USP12: variants seen among roughly 807,000 people sequenced by gnomAD.
The protein encoded by USP12 is ubiquitin carboxyl-terminal hydrolase 12.
A neutral mutation model predicts 45.5 loss-of-function variants in USP12; 19 were observed. That is an observed-to-expected ratio of 0.42 (90% CI 0.29 to 0.61). USP12 has a LOEUF of 0.61. Among genes scored for constraint, USP12 ranks in the 20% least tolerant of loss-of-function variants. The probability of loss-of-function intolerance (pLI) is 0.22; values close to 1 mark genes in which losing one functional copy is unlikely to be tolerated. For missense variants in USP12, 242 were observed against 447.7 expected (o/e 0.54, Z 4.15); for synonymous variants, 149 against 148.8 (o/e 1.00, Z -0.01).
chr13:27,167,611 T>C (rs907449468), intron 1 of USP12, among the ~76,000 whole-genome samples: 2 of 151,968 alleles, frequency 1.3e-5, no homozygotes, highest in African/African-American at 4.8e-5. Context: ...ATTAGATAAG[T>C]AAAACAATGG....
At chr13:27,091,720 C>T (rs1874324156) in intron 4 of USP12, among the ~76,000 whole-genome samples, 1 of 152,074 alleles carries the variant, frequency 6.6e-6, no homozygotes, top group South Asian at 2.1e-4. Context: ...AAGCAACCGA[C>T]AATGAAACCC....
At chr13:27,097,774 C>T (rs1397543079) in intron 3 of USP12, among the ~76,000 whole-genome samples, 1 of 152,110 alleles carries the variant, frequency 6.6e-6, no homozygotes, top group African/African-American at 2.4e-5. Context: ...CAACAACAAC[C>T]ACAGTAACAA....
chr13:27,137,187 A>G (rs1159471290), intron 1 of USP12, among the ~76,000 whole-genome samples: 2 of 152,206 alleles, frequency 1.3e-5, no homozygotes, highest in Non-Finnish European at 2.9e-5. Context: ...TTCATTTTGA[A>G]CAAAGGGTTG....
At chr13:27,168,453 A>G (rs779614215) in intron 1 of USP12, among the ~76,000 whole-genome samples, 7 of 152,216 alleles carry the variant, frequency 4.6e-5, no homozygotes, top group Admixed American at 1.3e-4. Flanking sequence ...AGCCACCTCA[A>G]CTGCAAAACA....
chr13:27,153,244 T>C (rs1303741159), intron 1 of USP12, among the ~76,000 whole-genome samples: 1 of 151,894 alleles, frequency 6.6e-6, no homozygotes. Flanking sequence ...GAGGCAGAGG[T>C]TGCAGTGAGC....
intron 6 of USP12, among the ~76,000 whole-genome samples, chr13:27,083,389 G>T (rs1300112239): frequency 2.0e-5 from 3 of 152,152 alleles, no homozygotes; most frequent in African/African-American, 7.2e-5. Flanking sequence ...TCTGCAAGGT[G>T]CTGTGAAGTG....
chr13:27,111,750 T>C (rs1472464692), intron 2 of USP12, among the ~76,000 whole-genome samples: 2 of 152,176 alleles, frequency 1.3e-5, no homozygotes, highest in Admixed American at 6.5e-5. Flanking sequence ...TTTTAGATGT[T>C]TGTCTTATTT....
intron 6 of USP12, among the ~76,000 whole-genome samples, chr13:27,085,582 G>C (rs1873974765): frequency 6.6e-6 from 1 of 151,926 alleles, no homozygotes; most frequent in South Asian, 2.1e-4. Context: ...TTTCAGAAGT[G>C]AATTCATCCA....
At chr13:27,122,065 C>T (rs1292270662) in intron 1 of USP12, among the ~76,000 whole-genome samples, 2 of 147,354 alleles carry the variant, frequency 1.4e-5, no homozygotes, top group Admixed American at 1.3e-4. Flanking sequence ...CATGGTGGCT[C>T]GTGCCTGTAA....
At chr13:27,115,327 A>G (rs1446167238) in intron 2 of USP12, among the ~76,000 whole-genome samples, 1 of 152,174 alleles carries the variant, frequency 6.6e-6, no homozygotes, top group Non-Finnish European at 1.5e-5. Flanking sequence ...TTCTGGAGAG[A>G]GAGAAAGGTA....
intron 4 of USP12, among the ~76,000 whole-genome samples, chr13:27,091,584 C>T (rs139738908): frequency 6.6e-4 from 101 of 152,228 alleles, no homozygotes; most frequent in African/African-American, 2.4e-3. Flanking sequence ...ATGTCATGCA[C>T]AATATGGGGA....
At chr13:27,163,168 T>C (rs1878191523) in intron 1 of USP12, among the ~76,000 whole-genome samples, 1 of 152,226 alleles carries the variant, frequency 6.6e-6, no homozygotes, top group Admixed American at 6.5e-5. Context: ...TTGTTTCTTA[T>C]ATCCTCATGA....
intron 2 of USP12, among the ~76,000 whole-genome samples, chr13:27,109,824 G>A (rs959886918): frequency 1.3e-5 from 2 of 150,544 alleles, no homozygotes; most frequent in Admixed American, 6.6e-5. Flanking sequence ...CAGGAGAATC[G>A]CTGGAACACG....
chr13:27,070,245 G>A (rs2137749675), intron 8 of USP12, among the ~76,000 whole-genome samples: 1 of 152,262 alleles, frequency 6.6e-6, no homozygotes, highest in East Asian at 1.9e-4. Context: ...TCAAGCCTAG[G>A]CAAAATTAAT....
At position 27,129,921 on chromosome 13, in the gene USP12, A is replaced by G. The variant is rs540016740; in HGVS notation, c.49-13325T>C. On this transcript the variant is annotated intron_variant, in intron 1 of 8. Transcript: ENST00000282344. The surrounding 1 kb of genome is among the most constrained non-coding windows in gnomAD (Gnocchi z 4.0). ...GAGTGACCAACATGAAAAATGGCAG[A>G]GTAGAAAGCTCCCAGGGTTAGTCCT... 3.1e-4 allele frequency among the ~76,000 whole-genome samples: 47 copies of G among 152,348 alleles called. 1 individual carries two copies. Among genetic ancestry groups the G allele is most frequent in the Non-Finnish European group, 3.1e-4 (21 of 68,032 alleles).
At chr13:27,083,836 C>T (rs943324718) in intron 6 of USP12, among the ~76,000 whole-genome samples, 1 of 150,736 alleles carries the variant, frequency 6.6e-6, no homozygotes, top group Non-Finnish European at 1.5e-5. Flanking sequence ...TCAGTGTTCT[C>T]GGGATGAACC....
At position 27,089,908 on chromosome 13, in the gene USP12, G is replaced by T; in HGVS notation, c.709C>A (p.Arg237Ser). 6.2e-7 allele frequency: 1 copy of T among 1,610,158 alleles called. No homozygotes were observed. The highest frequency in any genetic ancestry group is 8.5e-7 in the Non-Finnish European group (1 of 1,178,386). ...CGTTTGTGTGCTTCCTGTTTGCTGC[G>T]ACACTCTTCACAGTAATACTTGTAT... ...SEYKYYCEEC[R>S]SKQEAHKRMK... is the part of the protein sequence containing the mutation. Residue 237 changes from arginine to serine, a missense_variant, in exon 6 of 9, where the codon CGC becomes AGC. By Grantham distance (110) the Arg-to-Ser change is moderately radical. This residue lies in a region of USP12 where 94 missense variants were observed against 168.3 expected (regional missense o/e 0.56). Coordinates refer to ENST00000282344, the MANE Select transcript of USP12 (RefSeq NM_182488.4).
chr13:27,073,129 A>G (rs941135899), intron 7 of USP12, among the ~76,000 whole-genome samples: 3 of 152,048 alleles, frequency 2.0e-5, no homozygotes, highest in Admixed American at 1.3e-4. Context: ...GCTGGGCAGA[A>G]GAGCGTCAAG....
chr13:27,171,479 C>A, intron 1 of USP12, 113 bp downstream of exon 1: 1 of 149,948 alleles, frequency 6.7e-6, no homozygotes, highest in South Asian at 1.8e-4. Flanking sequence ...CCCAGCCCGC[C>A]CGCCCGCCCC....
Sources: gnomAD v4.1 joint callset for allele counts (sites outside exome capture counted in the v4.1 genomes callset) on GRCh38, gnomAD v4.1.1 for gene constraint, gnomAD v4.1.1 regional missense constraint, Gnocchi (gnomAD v3.1) non-coding constraint, MANE v1.5 for transcripts, NCBI Gene and HGNC (gene_info 2026-07-23, HGNC 2026-07-21) for gene names.